The following PPP1R12B variants were observed in gnomAD, a reference collection of about 807,000 sequenced individuals.
PPP1R12B encodes myosin phosphatase target subunit 2.
In PPP1R12B, 76 loss-of-function variants were observed where a neutral mutation model predicts 126.1. The ratio of observed to expected loss-of-function variants is 0.60; its 90% CI spans 0.50 to 0.73. The LOEUF (loss-of-function observed/expected upper bound fraction) is 0.73, where lower values mean the gene tolerates loss of function less well. Among genes scored for constraint, PPP1R12B ranks in the 30% least tolerant of loss-of-function variants. The pLI is 0.00. For missense variants in PPP1R12B, 1,052 were observed against 1,205.1 expected, an observed-to-expected ratio of 0.87 and a Z score of 1.88; for synonymous variants, 356 against 434.7, an observed-to-expected ratio of 0.82 and a Z score of 2.25.
chr1:202,388,312 T>TAG (rs1663507394), intron 1 of PPP1R12B, among the ~76,000 whole-genome samples: 1 of 152,160 alleles, frequency 6.6e-6, no homozygotes, highest in Non-Finnish European at 1.5e-5. Context: ...GCCTCCTGAG[T>TAG]AGCTGGGACT....
intron 18 of PPP1R12B, among the ~76,000 whole-genome samples, chr1:202,512,871 C>G (rs1195084462): frequency 2.0e-5 from 3 of 152,078 alleles, no homozygotes; most frequent in Non-Finnish European, 2.9e-5. Context: ...TTCCTTTGAC[C>G]CCCTCCCTGG....
intron 1 of PPP1R12B, among the ~76,000 whole-genome samples, chr1:202,379,177 T>G (rs1338462599): frequency 6.6e-6 from 1 of 152,232 alleles, no homozygotes; most frequent in African/African-American, 2.4e-5. Flanking sequence ...GGTCTCAGTA[T>G]TTCCAGAGCA....
At chr1:202,491,822 C>T (rs1678922217) in intron 14 of PPP1R12B, among the ~76,000 whole-genome samples, 1 of 152,152 alleles carries the variant, frequency 6.6e-6, no homozygotes, top group Admixed American at 6.5e-5. Context: ...ATTAGATTCT[C>T]AGTAGTCTTC....
chr1:202,567,897 G>A lies in PPP1R12B; in HGVS notation c.2811+66G>A. The A allele has an allele frequency of 2.6e-6, 4 of 1,564,342 alleles. No individual in the cohort carries two copies. The South Asian group carries it at 4.5e-5, about 18-fold the overall frequency. On this transcript the variant is annotated intron_variant, in intron 22 of 23. Coordinates refer to ENST00000608999, the MANE Select transcript of PPP1R12B (RefSeq NM_002481.4). ...CTTCTTTCTGACTCTCTCCCACTTT[G>A]TTATTCATGCCAATGGAAAAAGTCC...
At chr1:202,561,742 C>T (rs868039910) in intron 19 of PPP1R12B, among the ~76,000 whole-genome samples, 1 of 152,168 alleles carries the variant, frequency 6.6e-6, no homozygotes, top group Admixed American at 6.5e-5. Flanking sequence ...GAATGTGGGA[C>T]TTAGCATCTC....
rs1259977164 is a variant in PPP1R12B at position 202,586,190 on chromosome 1, G to C, written c.*5630G>C. The stretch of plus-strand genomic sequence containing the variant: ...TACCAAAGCAGTGTTTACAAACCCA[G>C]AGTCCACACAACCATATTGCATAGA... On this transcript the variant is annotated 3_prime_UTR_variant, in exon 24 of 24. Coordinates refer to ENST00000608999, the MANE Select transcript of PPP1R12B (RefSeq NM_002481.4). The C allele has an allele frequency of 6.6e-6, 1 of 152,248 alleles. No individual in the cohort carries two copies. Among genetic ancestry groups the C allele is most frequent in the African/African-American group, 2.4e-5 (1 of 41,446 alleles). 9.4% of individuals were successfully genotyped at this position (152,248 alleles called of 1,614,324 possible).
At chr1:202,386,373 C>CCTTGCTCTGT in intron 1 of PPP1R12B, among the ~76,000 whole-genome samples, 2 of 151,962 alleles carry the variant, frequency 1.3e-5, no homozygotes, top group South Asian at 4.2e-4. Flanking sequence ...GCTCTGTCAC[C>CCTTGCTCTGT]CAGGCTAGAG....
chr1:202,460,325 CT>C (rs1456097884), intron 13 of PPP1R12B, among the ~76,000 whole-genome samples: 2 of 152,220 alleles, frequency 1.3e-5, no homozygotes, highest in Non-Finnish European at 2.9e-5. Context: ...ATATACCACA[CT>C]TATGGACCTT....
Position 202,434,738 on chromosome 1 carries a change from A to G in PPP1R12B, c.1224A>G (p.Gln408=). 3 of 1,613,934 alleles carry G rather than the reference A, an allele frequency of 1.9e-6. No homozygotes were observed. The highest frequency in any genetic ancestry group is 2.5e-6 in the Non-Finnish European group (3 of 1,179,964). ...SITEQIPAPA[Q]NTFSASSARR... Reference sequence around the variant, plus strand: ...CAGAGCAGATACCAGCACCAGCTCAAAATACCTTCTCTGCCTCTTCTGCTA... The same window carrying G: ...CAGAGCAGATACCAGCACCAGCTCAGAATACCTTCTCTGCCTCTTCTGCTA... Residue 408 remains glutamine, a synonymous_variant, in exon 9 of 24, where the codon CAA becomes CAG. Transcript: ENST00000608999.
intron 18 of PPP1R12B, among the ~76,000 whole-genome samples, chr1:202,506,919 A>C (rs1680875409): frequency 6.6e-6 from 1 of 152,212 alleles, no homozygotes; most frequent in Non-Finnish European, 1.5e-5. Flanking sequence ...GATGTTCTGC[A>C]TGCATTAAGT....
At chr1:202,356,605 A>G (rs1657145650) in intron 1 of PPP1R12B, among the ~76,000 whole-genome samples, 1 of 152,204 alleles carries the variant, frequency 6.6e-6, no homozygotes, top group African/African-American at 2.4e-5. Flanking sequence ...ACAAGCATCC[A>G]TATAAGACAG....
In PPP1R12B at chr1:202,380,322, T is replaced by A. The variant is rs531847442; in HGVS notation, c.291+31180T>A. Among the ~76,000 whole-genome samples, 61 of 152,218 alleles carry A rather than the reference T, an allele frequency of 4.0e-4. 1 individual carries two copies. In the South Asian group the frequency reaches 0.012, roughly 31 times the overall value. On this transcript the variant is annotated intron_variant, in intron 1 of 23. Transcript: ENST00000608999. ...ATATTATCTTACACAAACAACAAGT[T>A]GTTCTGTGGCAGGCAGAAGACTCAG... is the stretch of plus-strand genomic sequence containing the variant.
chr1:202,437,659 G>C (rs1244567545), intron 9 of PPP1R12B, among the ~76,000 whole-genome samples, 162 bp from the exon 10 acceptor site: 90 of 152,286 alleles, frequency 5.9e-4, no homozygotes, highest in African/African-American at 2.0e-3. Flanking sequence ...GCTTTTGCTG[G>C]GTGAGGGAGG....
chr1:202,361,851 G>T (rs1658273750), intron 1 of PPP1R12B, among the ~76,000 whole-genome samples: 1 of 152,098 alleles, frequency 6.6e-6, no homozygotes, highest in Non-Finnish European at 1.5e-5. Context: ...TCAGTTTTGG[G>T]CAGTCAACTG....
At chr1:202,431,254 C>CT (rs1218156421) in intron 7 of PPP1R12B, among the ~76,000 whole-genome samples, 6 of 152,114 alleles carry the variant, frequency 3.9e-5, no homozygotes, top group Non-Finnish European at 8.8e-5. Flanking sequence ...CATAGTTCTT[C>CT]TTTTTTCTGT....
intron 18 of PPP1R12B, among the ~76,000 whole-genome samples, chr1:202,538,045 A>G (rs1572433329): frequency 6.6e-6 from 1 of 152,198 alleles, no homozygotes; most frequent in African/African-American, 2.4e-5. Flanking sequence ...CTAGAGTGCA[A>G]TGGCACGATC....
At chr1:202,449,574 C>G (rs1251846579) in intron 13 of PPP1R12B, among the ~76,000 whole-genome samples, 2 of 151,912 alleles carry the variant, frequency 1.3e-5, no homozygotes, top group East Asian at 3.9e-4. Flanking sequence ...CTGCGCCCAG[C>G]CTGAAAATAT....
chr1:202,471,593 T>G (rs1449187913), intron 13 of PPP1R12B, among the ~76,000 whole-genome samples: 2 of 124,096 alleles, frequency 1.6e-5, no homozygotes, highest in African/African-American at 2.7e-5. Flanking sequence ...TTTTTTTTTT[T>G]GCTGCTACTG....
intron 18 of PPP1R12B, among the ~76,000 whole-genome samples, chr1:202,548,808 C>CTCTCTCTCTCTCTA (rs1218548068): frequency 1.4e-5 from 1 of 72,970 alleles, no homozygotes; most frequent in African/African-American, 4.8e-5. Flanking sequence ...CTCTCTCTCT[C>CTCTCTCTCTCTCTA]TATATATATA....
Sources: allele counts gnomAD v4.1 joint callset (sites outside exome capture counted in the v4.1 genomes callset), GRCh38; gene constraint gnomAD v4.1.1; transcripts MANE v1.5; gene names NCBI Gene and HGNC (gene_info 2026-07-23, HGNC 2026-07-21).